Variants in RCOR1 observed in about 807,000 individuals in gnomAD.
RCOR1 encodes the protein REST corepressor.
Under a neutral mutation model 64.0 loss-of-function variants are expected in RCOR1, and 12 were observed. The ratio of observed to expected loss-of-function variants is 0.19; its 90% CI spans 0.12 to 0.30. RCOR1 has a LOEUF of 0.30. Ranked by LOEUF, RCOR1 falls within the 10% of genes least tolerant of loss-of-function variation. RCOR1 has a pLI of 1.00. For synonymous variants in RCOR1, 279 were observed against 227.2 expected, an observed-to-expected ratio of 1.23 and a Z score of -2.05; for missense variants, 502 against 621.2, an observed-to-expected ratio of 0.81 and a Z score of 2.04.
chr14:102,705,131 C>CAAA (rs890869291), intron 4 of RCOR1, among the ~76,000 whole-genome samples: 13 of 149,374 alleles, frequency 8.7e-5, no homozygotes, highest in African/African-American at 2.7e-4. Flanking sequence ...ACAACAACAA[C>CAAA]AAAAAAAAAG....
chr14:102,677,224 CCCTCCCGG>C (rs1895195460), intron 2 of RCOR1, among the ~76,000 whole-genome samples: 2 of 137,656 alleles, frequency 1.5e-5, no homozygotes, highest in African/African-American at 5.6e-5. Context: ...CCCCCCTCCC[CCCTCCCGG>C]ACGGGGTGGC....
chr14:102,613,609 T>G (rs1285041058), intron 2 of RCOR1, among the ~76,000 whole-genome samples: 1 of 151,754 alleles, frequency 6.6e-6, no homozygotes, highest in Non-Finnish European at 1.5e-5. Context: ...ATTTTTTGTA[T>G]TTTTAGTAGA....
chr14:102,603,018 A>ATTAATGATGAGGTTAAGTGTCTTATG (rs1893435343), intron 2 of RCOR1, among the ~76,000 whole-genome samples: 2 of 151,994 alleles, frequency 1.3e-5, no homozygotes, highest in Non-Finnish European at 2.9e-5. Context: ...AAGTTTTCCA[A>ATTAATGATGAGGTTAAGTGTCTTATG]TTAATGATGA....
At chr14:102,655,265 G>T in intron 2 of RCOR1, 9 of 985,048 alleles carry the variant, frequency 9.1e-6, no homozygotes, top group Non-Finnish European at 1.1e-5. Flanking sequence ...TCCCTTCCTG[G>T]AGGCAGTTTT....
chr14:102,594,386 G>C (rs1893202222), intron 2 of RCOR1, among the ~76,000 whole-genome samples: 1 of 152,004 alleles, frequency 6.6e-6, no homozygotes, highest in African/African-American at 2.4e-5. Flanking sequence ...TTTTTTCCTT[G>C]GAAACAAGAC....
Position 102,657,891 on chromosome 14 carries a change from C to T in RCOR1, c.362-24004C>T, listed in dbSNP as rs1017926255. 11 of 984,034 alleles carry T rather than the reference C, an allele frequency of 1.1e-5. No individual in the cohort carries two copies. The African/African-American group carries it at 1.9e-4, about 17-fold the overall frequency. The allele number at this position is 984,034 out of a possible 1,614,324, so 61.0% of individuals were successfully genotyped here. On this transcript the variant is annotated intron_variant, in intron 2 of 11. Transcript: ENST00000262241. ...GAATTAAGGGCAAACTTGGAACAGG[C>T]CAGTTTCCCATTATATTGCCTCTCT...
At chr14:102,600,568 A>ATTT (rs750778582) in intron 2 of RCOR1, among the ~76,000 whole-genome samples, 10 of 127,010 alleles carry the variant, frequency 7.9e-5, no homozygotes, top group African/African-American at 2.1e-4. Context: ...TGCCCAGCTA[A>ATTT]TTTTTTTTTT....
chr14:102,618,011 C>T (rs1459861416), intron 2 of RCOR1, among the ~76,000 whole-genome samples: 4 of 143,132 alleles, frequency 2.8e-5, no homozygotes, highest in Non-Finnish European at 6.1e-5. Context: ...CTTGCTTTTC[C>T]CCTGCCAGGC....
intron 2 of RCOR1, among the ~76,000 whole-genome samples, chr14:102,594,603 G>A (rs142693881): frequency 3.3e-5 from 5 of 150,272 alleles, no homozygotes; most frequent in African/African-American, 1.2e-4. Flanking sequence ...TAATACTCGC[G>A]TTTGTGTTTC....
intron 2 of RCOR1, among the ~76,000 whole-genome samples, chr14:102,621,972 C>CCTCCCCCT (rs1893883454): frequency 6.6e-6 from 1 of 152,116 alleles, no homozygotes; most frequent in Admixed American, 6.6e-5. Context: ...TCTTGAAATT[C>CCTCCCCCT]CTCCCCCTCT....
Position 102,658,637 on chromosome 14 carries a change from C to G in RCOR1, c.362-23258C>G, listed in dbSNP as rs534285278. ...GATTATCAGACCCCTCACTTGGGTT[C>G]CTCTTACATCACCAAGGTGTGCTTG... On this transcript the variant is annotated intron_variant, in intron 2 of 11. Transcript: ENST00000262241. 7 of 985,138 alleles carry G rather than the reference C, an allele frequency of 7.1e-6. No individual in the cohort carries two copies. In the East Asian group the frequency reaches 7.9e-4, roughly 112 times the overall value. The allele number at this position is 985,138 out of a possible 1,614,324, so 61.0% of individuals were successfully genotyped here. A position where few individuals can be genotyped will look rare whatever the true frequency, so the allele number is the denominator to read the frequency against.
chr14:102,609,468 C>T (rs1356950698), intron 2 of RCOR1, among the ~76,000 whole-genome samples: 1 of 152,030 alleles, frequency 6.6e-6, no homozygotes, highest in African/African-American at 2.4e-5. Flanking sequence ...GAGATGGAGT[C>T]TCACTCTGTT....
chr14:102,650,013 A>G (rs1176784222), intron 2 of RCOR1, among the ~76,000 whole-genome samples: 3 of 151,892 alleles, frequency 2.0e-5, no homozygotes, highest in Non-Finnish European at 2.9e-5. Flanking sequence ...CCTGGCTAAC[A>G]TGGTGAAACC....
At chr14:102,615,995 G>A (rs1893751653) in intron 2 of RCOR1, among the ~76,000 whole-genome samples, 2 of 152,136 alleles carry the variant, frequency 1.3e-5, no homozygotes, top group African/African-American at 4.8e-5. Flanking sequence ...GCTTAGAGAT[G>A]GATGGTGACA....
chr14:102,607,122 G>A (rs1347029386), intron 2 of RCOR1, among the ~76,000 whole-genome samples: 1 of 151,856 alleles, frequency 6.6e-6, no homozygotes, highest in Non-Finnish European at 1.5e-5. Flanking sequence ...TAGTAGAGAC[G>A]GGGTTTTTCC....
chr14:102,615,444 ATTC>A (rs1199225764), intron 2 of RCOR1, among the ~76,000 whole-genome samples: 46 of 145,338 alleles, frequency 3.2e-4, no homozygotes, highest in African/African-American at 1.2e-3. Flanking sequence ...GGCCTGCATA[ATTC>A]TTTTTTTTTT....
At chr14:102,647,935 T>G (rs930892937) in intron 2 of RCOR1, among the ~76,000 whole-genome samples, 1 of 152,150 alleles carries the variant, frequency 6.6e-6, no homozygotes, top group Non-Finnish European at 1.5e-5. Context: ...TACCTTGTGC[T>G]CCCAAAGTGC....
intron 2 of RCOR1, among the ~76,000 whole-genome samples, chr14:102,666,558 TACC>T (rs1894919505): frequency 1.3e-5 from 2 of 152,246 alleles, no homozygotes; most frequent in African/African-American, 2.4e-5. Flanking sequence ...CCATCGAAGA[TACC>T]ACATTACATT....
In RCOR1 at chr14:102,659,053, G is replaced by A. The variant is rs920059940; in HGVS notation, c.362-22842G>A. On this transcript the variant is annotated intron_variant, in intron 2 of 11. Coordinates refer to ENST00000262241, the MANE Select transcript of RCOR1 (RefSeq NM_015156.4). ...GCTCCATCTCCTAGAGGGGAGTGGG[G>A]AATATTTACATAAATTATTTGAAAT... 6 of 862,444 alleles carry A rather than the reference G, an allele frequency of 7.0e-6. No homozygotes were observed. In the African/African-American group the frequency reaches 1.1e-4, roughly 16 times the overall value. The allele number at this position is 862,444 out of a possible 1,614,324, so 53.4% of individuals were successfully genotyped here.
Sources: allele counts gnomAD v4.1 joint callset (sites outside exome capture counted in the v4.1 genomes callset), GRCh38; gene constraint gnomAD v4.1.1; transcripts MANE v1.5; gene names NCBI Gene and HGNC (gene_info 2026-07-23, HGNC 2026-07-21).